The following KLF12 variants were observed in gnomAD, a reference collection of about 807,000 sequenced individuals.
KLF12 encodes the protein KLF transcription factor 12.
Under a neutral mutation model 37.8 loss-of-function variants are expected in KLF12, and 9 were observed. The observed-to-expected ratio is 0.24, with a 90% CI of 0.14 to 0.42. KLF12 has a LOEUF of 0.42. KLF12 is among the 10% of genes least tolerant of loss of function. KLF12 has a pLI of 1.00. For missense variants in KLF12, 411 were observed against 516.0 expected, an observed-to-expected ratio of 0.80 and a Z score of 1.97; for synonymous variants, 208 against 202.1, an observed-to-expected ratio of 1.03 and a Z score of -0.25.
intron 3 of KLF12, among the ~76,000 whole-genome samples, chr13:73,874,867 TA>T (rs138194678): frequency 0.031 from 4,779 of 152,316 alleles, 134 homozygotes; most frequent in Middle Eastern, 0.071. Context: ...GATTAGATAT[TA>T]ACCAAAGAGA....
chr13:73,853,618 A>G (rs2138742590), intron 3 of KLF12, among the ~76,000 whole-genome samples: 1 of 152,134 alleles, frequency 6.6e-6, no homozygotes, highest in Middle Eastern at 3.4e-3. Context: ...GGGCGCCTGT[A>G]ATCCCAGCTA....
chr13:74,177,764 G>C, the KLF12 span, among the ~76,000 whole-genome samples: 1 of 152,172 alleles, frequency 6.6e-6, no homozygotes, highest in Non-Finnish European at 1.5e-5. Flanking sequence ...ACTTGCAGGA[G>C]GGAAGCAGTG....
the KLF12 span, among the ~76,000 whole-genome samples, chr13:74,160,868 A>T: frequency 2.0e-5 from 3 of 152,138 alleles, no homozygotes; most frequent in Non-Finnish European, 4.4e-5. Flanking sequence ...TGTGGGAATT[A>T]AAAAAGTTCT....
intron 2 of KLF12, among the ~76,000 whole-genome samples, chr13:73,989,372 C>T (rs986668768): frequency 1.3e-5 from 2 of 152,160 alleles, no homozygotes; most frequent in African/African-American, 4.8e-5. Context: ...ATTCAATGAC[C>T]CTTTGATTAC....
chr13:74,067,724 T>C (rs1192422848), intron 1 of KLF12, among the ~76,000 whole-genome samples: 1 of 152,134 alleles, frequency 6.6e-6, no homozygotes, highest in South Asian at 2.1e-4. Context: ...CATTTTGCCA[T>C]GGTGAAAGCA....
chr13:73,971,105 G>C (rs1420623733), intron 2 of KLF12, among the ~76,000 whole-genome samples: 1 of 152,020 alleles, frequency 6.6e-6, no homozygotes, highest in South Asian at 2.1e-4. Flanking sequence ...ACCTGGCAAG[G>C]GACAAAAAAC....
chr13:73,765,325 G>A (rs1879839337), intron 5 of KLF12, among the ~76,000 whole-genome samples: 1 of 152,110 alleles, frequency 6.6e-6, no homozygotes, highest in Admixed American at 6.6e-5. Flanking sequence ...GTGGGTAAAA[G>A]TTATCTAAGG....
At chr13:74,108,042 A>G (rs900100947) in intron 1 of KLF12, among the ~76,000 whole-genome samples, 14 of 152,204 alleles carry the variant, frequency 9.2e-5, no homozygotes, top group Non-Finnish European at 1.8e-4. Context: ...ATTAAGTCAC[A>G]TTATTTTTAC....
At chr13:73,770,253 G>A (rs554011584) in intron 5 of KLF12, among the ~76,000 whole-genome samples, 5 of 152,168 alleles carry the variant, frequency 3.3e-5, no homozygotes, top group Admixed American at 2.0e-4. Flanking sequence ...AAGTTCTCCT[G>A]ATGATTTAGG....
intron 5 of KLF12, among the ~76,000 whole-genome samples, chr13:73,809,150 C>A (rs1474016759): frequency 1.3e-5 from 2 of 152,222 alleles, no homozygotes; most frequent in African/African-American, 4.8e-5. Flanking sequence ...CCATCCTTCT[C>A]AACCTAACTC....
the KLF12 span, among the ~76,000 whole-genome samples, chr13:74,186,011 T>C: frequency 3.8e-4 from 58 of 152,284 alleles, no homozygotes; most frequent in African/African-American, 1.3e-3. Context: ...GCTGGAATTG[T>C]TATGTTATTA....
the KLF12 span, among the ~76,000 whole-genome samples, chr13:74,275,924 TCTTTCTTC>T: frequency 7.1e-6 from 1 of 141,126 alleles, no homozygotes; most frequent in African/African-American, 2.8e-5. Flanking sequence ...TTTCTTTCTT[TCTTTCTTC>T]ATTTGCTCTA....
At position 74,113,893 on chromosome 13, in the gene KLF12, G is replaced by A. The variant is rs577673237; in HGVS notation, c.-32+19846C>T. ...TGTCCTAAGAATATTTGTGATTTAT[G>A]CAAGGAGGTCAAAATATCAACATTA... On this transcript the variant is annotated intron_variant, in intron 1 of 7. Coordinates refer to ENST00000377669, the MANE Select transcript of KLF12 (RefSeq NM_007249.5). Among the ~76,000 whole-genome samples, 186 of 152,276 alleles carry A rather than the reference G, an allele frequency of 1.2e-3. 2 individuals carry two copies. The South Asian group carries it at 0.036, about 29-fold the overall frequency.
At chr13:73,749,463 T>A (rs994958227) in intron 6 of KLF12, among the ~76,000 whole-genome samples, 23 of 152,056 alleles carry the variant, frequency 1.5e-4, no homozygotes, top group African/African-American at 5.6e-4. Context: ...GCCAACAAAT[T>A]AGCACAGCCA....
intron 1 of KLF12, among the ~76,000 whole-genome samples, chr13:74,089,880 A>G (rs987569107): frequency 6.6e-6 from 1 of 151,346 alleles, no homozygotes; most frequent in African/African-American, 2.4e-5. Flanking sequence ...CCCTAAGATG[A>G]GGAATAAAAT....
At chr13:74,112,916 C>T (rs1877066321) in intron 1 of KLF12, among the ~76,000 whole-genome samples, 1 of 152,034 alleles carries the variant, frequency 6.6e-6, no homozygotes, top group Admixed American at 6.6e-5. Context: ...AGCAAAAGTT[C>T]CAGAAGAAAA....
At chr13:73,763,761 T>A (rs1879718922) in intron 6 of KLF12, among the ~76,000 whole-genome samples, 1 of 152,140 alleles carries the variant, frequency 6.6e-6, no homozygotes, top group Non-Finnish European at 1.5e-5. Flanking sequence ...CACATAATGA[T>A]CATCATATTA....
At chr13:73,841,988 T>A (rs1471710854) in intron 4 of KLF12, among the ~76,000 whole-genome samples, 4 of 152,192 alleles carry the variant, frequency 2.6e-5, no homozygotes, top group South Asian at 4.1e-4. Context: ...CCAGTAGAGA[T>A]GTCGGGGTGT....
chr13:74,068,012 A>T (rs1874016697), intron 1 of KLF12, among the ~76,000 whole-genome samples: 1 of 152,200 alleles, frequency 6.6e-6, no homozygotes, highest in South Asian at 2.1e-4. Flanking sequence ...TCCCCTTGTA[A>T]ATCATACTGA....
Sources: allele counts gnomAD v4.1 joint callset (sites outside exome capture counted in the v4.1 genomes callset), GRCh38; gene constraint gnomAD v4.1.1; transcripts MANE v1.5; gene names NCBI Gene and HGNC (gene_info 2026-07-23, HGNC 2026-07-21).